The following ADAMTS18 variants were observed in gnomAD, a reference collection of about 807,000 sequenced individuals.
The protein encoded by ADAMTS18 is ADAM metallopeptidase with thrombospondin type 1 motif 18, also known as A disintegrin and metalloproteinase with thrombospondin motifs 18.
ADAMTS18 carries 157 observed loss-of-function variants against 165.9 expected under a neutral mutation model. The observed-to-expected ratio is 0.95, with a 90% confidence interval of 0.83 to 1.08. The LOEUF (loss-of-function observed/expected upper bound fraction) is 1.08. ADAMTS18 is among the 50% of genes least tolerant of loss of function. The pLI, the probability that ADAMTS18 is intolerant of heterozygous loss-of-function variation, is 0.00. For synonymous variants in ADAMTS18, 782 were observed against 578.2 expected (o/e 1.35, Z -5.06); for missense variants, 2,040 against 1,534.0 (o/e 1.33, Z -5.51).
intron 12 of ADAMTS18, among the ~76,000 whole-genome samples, chr16:77,331,360 C>T (rs7197024): frequency 0.011 from 1,639 of 152,236 alleles, 29 homozygotes; most frequent in African/African-American, 0.037. Context: ...ATGAACTATA[C>T]TTCACAAATG....
At chr16:77,332,665 C>A (rs1371093940) in intron 12 of ADAMTS18, among the ~76,000 whole-genome samples, 1 of 152,134 alleles carries the variant, frequency 6.6e-6, no homozygotes, top group African/African-American at 2.4e-5. Context: ...ACATCTCACA[C>A]ATGTTTCATG....
chr16:77,304,469 A>C (rs1387692809), intron 16 of ADAMTS18, among the ~76,000 whole-genome samples: 1 of 152,222 alleles, frequency 6.6e-6, no homozygotes, highest in Non-Finnish European at 1.5e-5. Flanking sequence ...TCAAAAACAA[A>C]AACAATCAAA....
At chr16:77,372,851 T>G (rs547080321) in intron 3 of ADAMTS18, among the ~76,000 whole-genome samples, 57 of 152,246 alleles carry the variant, frequency 3.7e-4, no homozygotes, top group African/African-American at 1.3e-3. Context: ...CCAATAGGGT[T>G]TCCCCACAAC....
Position 77,307,629 on chromosome 16 carries a change from C to T in ADAMTS18, c.2533-7225G>A, listed in dbSNP as rs143776191. On this transcript the variant is annotated intron_variant, in intron 16 of 22. Transcript: ENST00000282849. ...CAAATGGCAATCTCTAGACAAATGA[C>T]GTGCCATCGCAAAAGTACCTCTGAA... Among the ~76,000 whole-genome samples, 75 of 152,324 alleles carry T rather than the reference C, an allele frequency of 4.9e-4. 2 individuals carry two copies. In the East Asian group the frequency reaches 0.012, roughly 25 times the overall value.
intron 3 of ADAMTS18, among the ~76,000 whole-genome samples, chr16:77,414,546 A>C (rs928758248): frequency 1.6e-4 from 24 of 152,204 alleles, no homozygotes; most frequent in Admixed American, 6.5e-5. Context: ...GGCTACTAAA[A>C]AATTTAAAAT....
intron 16 of ADAMTS18, among the ~76,000 whole-genome samples, chr16:77,310,867 A>T (rs1387165896): frequency 4.6e-5 from 7 of 152,102 alleles, no homozygotes; most frequent in African/African-American, 1.7e-4. Context: ...TGCTCAAGCA[A>T]TCCACCTGCC....
intron 12 of ADAMTS18, among the ~76,000 whole-genome samples, chr16:77,335,093 CTAT>C (rs1343189533): frequency 1.4e-5 from 2 of 146,738 alleles, no homozygotes; most frequent in Non-Finnish European, 3.0e-5. Flanking sequence ...GGTATTCAGC[CTAT>C]TATGATAGTA....
chr16:77,290,977 A>T, intron 21 of ADAMTS18: 1 of 472,780 alleles, frequency 2.1e-6, no homozygotes, highest in African/African-American at 2.0e-5. Flanking sequence ...GCAATGACCA[A>T]CATTAGCAGT....
chr16:77,372,509 G>A (rs1471415178), intron 3 of ADAMTS18, among the ~76,000 whole-genome samples: 1 of 151,996 alleles, frequency 6.6e-6, no homozygotes, highest in Non-Finnish European at 1.5e-5. Flanking sequence ...GATGTGTAGA[G>A]CCTGAAATCA....
chr16:77,389,466 G>C (rs1036654607), intron 3 of ADAMTS18, among the ~76,000 whole-genome samples: 8 of 152,178 alleles, frequency 5.3e-5, no homozygotes, highest in Admixed American at 4.6e-4. Flanking sequence ...GTGTCTGTCA[G>C]GTTAATTCGT....
chr16:77,325,620 C>T (rs986764029), intron 13 of ADAMTS18, among the ~76,000 whole-genome samples: 1 of 151,042 alleles, frequency 6.6e-6, no homozygotes, highest in Non-Finnish European at 1.5e-5. Context: ...TGAGTTCATT[C>T]CAAACATATG....
rs1196937107 is a variant in ADAMTS18 at position 77,435,000 on chromosome 16, C to T, written c.-305G>A. On this transcript the variant is annotated 5_prime_UTR_variant, in exon 1 of 23. Transcript: ENST00000282849. ...GGGAGACTGTCGGTGTCTGCCCGCC[C>T]GTCTGTGCGTCTGTCTGTGTCGGTG... 2 of 247,534 alleles carry T rather than the reference C, an allele frequency of 8.1e-6. No homozygotes were observed. The highest frequency in any genetic ancestry group is 2.3e-5 in the African/African-American group (1 of 44,188). The allele number at this position is 247,534 out of a possible 1,614,324, so 15.3% of individuals were successfully genotyped here.
intron 12 of ADAMTS18, 97 bp from the exon 13 acceptor site, chr16:77,326,135 G>T: frequency 2.5e-6 from 3 of 1,199,870 alleles, no homozygotes; most frequent in Non-Finnish European, 3.6e-6. Flanking sequence ...GATGAGCACT[G>T]CCACAGTGTA....
rs771495161 is a variant in ADAMTS18, at chr16:77,289,280, T to C, written c.3534A>G (p.Pro1178=). 1.6e-5 allele frequency: 26 copies of C among 1,614,044 alleles called. No individual in the cohort carries two copies. The highest frequency in any genetic ancestry group is 1.6e-4 in the Middle Eastern group (1 of 6,082). ...VLRACNTNFC[P]APEKREDPSC... Reference sequence around the variant, plus strand: ...CCTTTTTACCTCTCTTTTCAGGAGCTGGACAGAAGTTTGTATTACAGGCTC... The same window carrying C: ...CCTTTTTACCTCTCTTTTCAGGAGCCGGACAGAAGTTTGTATTACAGGCTC... The change falls in exon 22 of 23, where the codon CCA becomes CCG. Residue 1178 remains proline, a synonymous_variant. Coordinates refer to ENST00000282849, the MANE Select transcript of ADAMTS18 (RefSeq NM_199355.4).
intron 6 of ADAMTS18, 90 bp downstream of exon 6, chr16:77,363,712 A>G: frequency 8.4e-7 from 1 of 1,189,696 alleles, no homozygotes; most frequent in South Asian, 1.2e-5. Context: ...GCTAACGACT[A>G]GTACATGGAT....
chr16:77,390,263 T>G (rs1465061515), intron 3 of ADAMTS18, among the ~76,000 whole-genome samples: 1 of 152,182 alleles, frequency 6.6e-6, no homozygotes, highest in African/African-American at 2.4e-5. Flanking sequence ...TAATAATAAA[T>G]GTAGATTTAT....
intron 3 of ADAMTS18, among the ~76,000 whole-genome samples, chr16:77,398,098 C>T (rs1162903113): frequency 6.6e-6 from 1 of 152,092 alleles, no homozygotes; most frequent in East Asian, 1.9e-4. Flanking sequence ...AGGCAGATCA[C>T]CTGAGGTTAG....
chr16:77,296,336 C>T (rs1410041635), intron 18 of ADAMTS18, among the ~76,000 whole-genome samples: 3 of 152,128 alleles, frequency 2.0e-5, no homozygotes, highest in Non-Finnish European at 1.5e-5. Context: ...TACCACTTGG[C>T]CTATACCCCA....
intron 16 of ADAMTS18, among the ~76,000 whole-genome samples, chr16:77,316,177 C>A (rs917035228): frequency 2.0e-5 from 3 of 152,192 alleles, no homozygotes; most frequent in African/African-American, 7.2e-5. Context: ...TACTCCTTAC[C>A]TGGAATTCAA....
Sources: allele counts gnomAD v4.1 joint callset (sites outside exome capture counted in the v4.1 genomes callset), GRCh38; gene constraint gnomAD v4.1.1; transcripts MANE v1.5; gene names NCBI Gene and HGNC (gene_info 2026-07-23, HGNC 2026-07-21).